Variants in SHANK2 observed in about 807,000 individuals in gnomAD.
SHANK2 encodes SH3 and multiple ankyrin repeat domains protein 2.
SHANK2 carries 43 observed loss-of-function variants against 133.7 expected under a neutral mutation model. The ratio of observed to expected loss-of-function variants is 0.32; its 90% confidence interval spans 0.25 to 0.41. The LOEUF is 0.41. Ranked by LOEUF, SHANK2 falls within the 10% of genes least tolerant of loss-of-function variation. SHANK2 has a pLI of 1.00. For missense variants in SHANK2, 1,994 were observed against 2,235.8 expected (o/e 0.89, Z 2.18); for synonymous variants, 1,017 against 952.8 (o/e 1.07, Z -1.24).
chr11:71,147,489 A>G (rs117967336), intron 2 of SHANK2, among the ~76,000 whole-genome samples, 151 bp from the exon 3 acceptor site: 1,817 of 152,300 alleles, frequency 0.012, 12 homozygotes, highest in Non-Finnish European at 0.019. Context: ...GGCCCCAGGT[A>G]TGCACAATGT....
At chr11:70,673,715 A>G (rs958645717) in intron 15 of SHANK2, among the ~76,000 whole-genome samples, 4 of 152,202 alleles carry the variant, frequency 2.6e-5, no homozygotes, top group African/African-American at 7.2e-5. Context: ...GTTGAGTGGG[A>G]GGCCATGAGA....
chr11:71,114,349 G>A (rs1017227864), intron 4 of SHANK2, among the ~76,000 whole-genome samples: 2 of 152,246 alleles, frequency 1.3e-5, no homozygotes, highest in African/African-American at 4.8e-5. Context: ...AGCAAAAACC[G>A]CCCCTGGGTA....
In SHANK2 at chr11:70,486,659, G is replaced by T. The variant is rs1014450246; in HGVS notation, c.3634C>A (p.Pro1212Thr). The change falls in exon 25 of 26, where the codon CCC becomes ACC. Residue 1212 changes from proline to threonine, a missense_variant. Coordinates refer to ENST00000601538, the MANE Select transcript of SHANK2 (RefSeq NM_012309.5). The surrounding 1 kb of genome is among the most constrained non-coding windows in gnomAD (Gnocchi z 8.0). ...VHPLTGRLLD[P>T]SSPLALALSA... is the part of the protein sequence containing the mutation. ...AGTGCCAGGGCCAGCGGGGAGCTGG[G>T]ATCAAGCAGCCGCCCTGTGAGTGGG... The T allele has an allele frequency of 6.2e-7, 1 of 1,612,190 alleles. No individual in the cohort carries two copies. Among genetic ancestry groups the T allele is most frequent in the Non-Finnish European group, 8.5e-7 (1 of 1,180,008 alleles).
chr11:70,816,982 A>G (rs1413716849), intron 12 of SHANK2, among the ~76,000 whole-genome samples: 1 of 152,214 alleles, frequency 6.6e-6, no homozygotes, highest in Non-Finnish European at 1.5e-5. Context: ...TAAGCAAACA[A>G]TGTGCAGTGA....
In SHANK2 at chr11:70,531,340, G is replaced by T. The variant is rs534590401; in HGVS notation, c.2062-28409C>A. Among the ~76,000 whole-genome samples, 9 of 152,340 alleles carry T rather than the reference G, an allele frequency of 5.9e-5. No individual in the cohort carries two copies. In the East Asian group the frequency reaches 1.7e-3, roughly 29 times the overall value. ...CATCCATCTGTGCTGGGGGCTGGTGGTGGGGCCACTCTTTGGGGTCTTGGA... is the reference window on the plus strand; with the variant it reads ...CATCCATCTGTGCTGGGGGCTGGTGTTGGGGCCACTCTTTGGGGTCTTGGA... On this transcript the variant is annotated intron_variant, in intron 17 of 25. Coordinates refer to ENST00000601538, the MANE Select transcript of SHANK2 (RefSeq NM_012309.5).
chr11:70,621,003 GACC>G (rs1314259992), intron 17 of SHANK2, among the ~76,000 whole-genome samples: 2 of 152,210 alleles, frequency 1.3e-5, no homozygotes, highest in African/African-American at 2.4e-5. Flanking sequence ...ATATCTGTGT[GACC>G]ACAACAGGCC....
In SHANK2 at chr11:70,535,822, C is replaced by A. The variant is rs868928686; in HGVS notation, c.2062-32891G>T. Among the ~76,000 whole-genome samples, 1 of 152,214 alleles carries A rather than the reference C, an allele frequency of 6.6e-6. No homozygotes were observed. Among genetic ancestry groups the A allele is most frequent in the Admixed American group, 6.5e-5 (1 of 15,292 alleles). ...CCATCCGCTGGCAGGGAGCTGGGCC[C>A]AGGCACTTGGGAAGCTTGGGAGCCT... On this transcript the variant is annotated intron_variant, in intron 17 of 25. Transcript: ENST00000601538. This position sits in a 1 kb window ranked among gnomAD's most constrained non-coding sequence, Gnocchi z 4.3.
intron 17 of SHANK2, among the ~76,000 whole-genome samples, chr11:70,518,360 C>CAAACA (rs2059290974): frequency 6.6e-6 from 1 of 151,718 alleles, no homozygotes; most frequent in African/African-American, 2.4e-5. Flanking sequence ...GAACCTGTCT[C>CAAACA]AAACAAAACA....
chr11:71,101,902 G>A (rs1951721816), intron 6 of SHANK2, among the ~76,000 whole-genome samples: 1 of 152,150 alleles, frequency 6.6e-6, no homozygotes, highest in South Asian at 2.1e-4. Flanking sequence ...TATGCAATGA[G>A]TACACCCCGA....
At chr11:70,563,592 G>A (rs1591584976) in intron 17 of SHANK2, among the ~76,000 whole-genome samples, 1 of 147,018 alleles carries the variant, frequency 6.8e-6, no homozygotes, top group East Asian at 2.0e-4. Flanking sequence ...AGGCTAGAGT[G>A]CAATGGTGTG....
chr11:70,855,675 G>A (rs1949157849), intron 11 of SHANK2, among the ~76,000 whole-genome samples: 1 of 152,232 alleles, frequency 6.6e-6, no homozygotes, highest in African/African-American at 2.4e-5. Flanking sequence ...TGCCTTCCAT[G>A]GCACAGGGCC....
chr11:71,131,865 C>T (rs1456227558), intron 3 of SHANK2, among the ~76,000 whole-genome samples: 1 of 152,184 alleles, frequency 6.6e-6, no homozygotes, highest in Non-Finnish European at 1.5e-5. Context: ...TTATGTTCTC[C>T]GGGAGGCCGC....
intron 9 of SHANK2, among the ~76,000 whole-genome samples, 177 bp from the exon 10 acceptor site, chr11:71,056,735 G>T (rs1483349295): frequency 1.5e-4 from 23 of 152,224 alleles, no homozygotes; most frequent in African/African-American, 5.3e-4. Flanking sequence ...CTCACCTGCT[G>T]CCAACTATGG....
intron 10 of SHANK2, among the ~76,000 whole-genome samples, chr11:70,939,349 G>A (rs550829016): frequency 4.0e-4 from 61 of 152,210 alleles, no homozygotes; most frequent in African/African-American, 1.4e-3. Flanking sequence ...GTGGTGGTAC[G>A]TGCCTGTAGT....
intron 6 of SHANK2, among the ~76,000 whole-genome samples, chr11:71,104,361 G>A (rs1048696036): frequency 1.3e-5 from 2 of 151,568 alleles, no homozygotes; most frequent in Admixed American, 6.6e-5. Flanking sequence ...CCAACACAGG[G>A]CCCCCCCCAT....
intron 10 of SHANK2, among the ~76,000 whole-genome samples, chr11:70,920,172 A>T (rs537390507): frequency 6.6e-6 from 1 of 152,230 alleles, no homozygotes; most frequent in Non-Finnish European, 1.5e-5. Flanking sequence ...ACTACCCAAT[A>T]CACAAGCACT....
intron 10 of SHANK2, among the ~76,000 whole-genome samples, chr11:70,919,208 G>T (rs898281157): frequency 1.3e-5 from 2 of 152,050 alleles, no homozygotes; most frequent in East Asian, 1.9e-4. Flanking sequence ...TGCATACAAT[G>T]TGCAATGGCT....
chr11:70,881,381 G>C (rs1398126713), intron 11 of SHANK2, among the ~76,000 whole-genome samples: 1 of 151,814 alleles, frequency 6.6e-6, no homozygotes, highest in Non-Finnish European at 1.5e-5. Context: ...TGAAGCAGGT[G>C]GGTGAATCAG....
At chr11:70,738,467 A>G (rs1591801147) in intron 14 of SHANK2, among the ~76,000 whole-genome samples, 1 of 152,216 alleles carries the variant, frequency 6.6e-6, no homozygotes, top group Admixed American at 6.5e-5. Context: ...GCTGCACAGG[A>G]AGAGGCCGCC....
Sources: allele counts gnomAD v4.1 joint callset (sites outside exome capture counted in the v4.1 genomes callset), GRCh38; gene constraint gnomAD v4.1.1; non-coding constraint Gnocchi (gnomAD v3.1); transcripts MANE v1.5; gene names NCBI Gene and HGNC (gene_info 2026-07-23, HGNC 2026-07-21).